Variants in KIAA1217 observed in about 807,000 individuals in gnomAD.
KIAA1217 encodes the protein sickle tail protein homolog.
Under a neutral mutation model 163.9 loss-of-function variants are expected in KIAA1217, and 88 were observed. The observed-to-expected ratio is 0.54, with a 90% CI of 0.45 to 0.64. The LOEUF is 0.64. Ranked by LOEUF, KIAA1217 falls within the 30% of genes least tolerant of loss-of-function variation. The pLI, the probability that KIAA1217 is intolerant of heterozygous loss-of-function variation, is 0.00. For synonymous variants in KIAA1217, 903 were observed against 923.1 expected, an observed-to-expected ratio of 0.98 and a Z score of 0.39; for missense variants, 2,372 against 2,475.0, an observed-to-expected ratio of 0.96 and a Z score of 0.88.
chr10:23,748,991 T>A (rs1172415642), intron 1 of KIAA1217, among the ~76,000 whole-genome samples: 1 of 152,174 alleles, frequency 6.6e-6, no homozygotes, highest in Non-Finnish European at 1.5e-5. Flanking sequence ...CATCCACCCC[T>A]GGCTTCGTCC....
chr10:24,198,211 C>A (rs1044068136), intron 2 of KIAA1217, among the ~76,000 whole-genome samples: 2 of 152,226 alleles, frequency 1.3e-5, no homozygotes, highest in Admixed American at 1.3e-4. Context: ...AAGCTTACTG[C>A]CCTTCTCTTC....
chr10:24,392,425 A>C (rs1411490914), intron 3 of KIAA1217, among the ~76,000 whole-genome samples: 3 of 152,244 alleles, frequency 2.0e-5, no homozygotes, highest in Non-Finnish European at 4.4e-5. Flanking sequence ...TGCAGTGAGA[A>C]GGCCATAACT....
chr10:24,443,576 G>T (rs2060675401), intron 5 of KIAA1217, among the ~76,000 whole-genome samples: 1 of 151,878 alleles, frequency 6.6e-6, no homozygotes, highest in South Asian at 2.1e-4. Flanking sequence ...AAGTGGGGGA[G>T]GGAGCACAGT....
At chr10:24,263,209 G>A (rs895444911) in intron 2 of KIAA1217, among the ~76,000 whole-genome samples, 4 of 152,202 alleles carry the variant, frequency 2.6e-5, no homozygotes, top group African/African-American at 9.7e-5. Flanking sequence ...CGGAAGATTA[G>A]CAACTATGCA....
Position 24,070,680 on chromosome 10 carries a change from CT to C in KIAA1217, c.-171+63307del, listed in dbSNP as rs2061153540. On this transcript the variant is annotated intron_variant, in intron 2 of 18. Coordinates refer to the KIAA1217 transcript ENST00000376462. ...CTGATAGTTGTAACCTATTTTCCCA[CT>C]GTGAGGGGGAGAAGGAAGAAATATT... is the stretch of plus-strand genomic sequence containing the variant. Among the ~76,000 whole-genome samples, 3 of 152,168 alleles carry C rather than the reference CT, an allele frequency of 2.0e-5. No homozygotes were observed. In the South Asian group the frequency reaches 6.2e-4, roughly 31 times the overall value.
Position 23,959,911 on chromosome 10 carries a change from CTT to C in KIAA1217, c.-320-47293_-320-47292del, listed in dbSNP as rs1326171008. 5.2e-3 allele frequency among the ~76,000 whole-genome samples: 551 copies of C among 106,240 alleles called. 3 individuals carry two copies. Among genetic ancestry groups the C allele is most frequent in the African/African-American group, 0.019 (527 of 27,184 alleles). The allele number at this position is 106,240 out of a possible 152,430, so 69.7% of individuals were successfully genotyped here. ...CTTCAGAGAGGAAGGTCATAGACTT[CTT>C]TTTTTTTTTTTTTTTTTTTTGAGAC... On this transcript the variant is annotated intron_variant, in intron 1 of 18. Transcript: ENST00000376462.
intron 2 of KIAA1217, among the ~76,000 whole-genome samples, chr10:24,015,244 AT>A (rs762032629): frequency 6.6e-6 from 1 of 152,100 alleles, no homozygotes; most frequent in Non-Finnish European, 1.5e-5. Flanking sequence ...TGTTCCACTC[AT>A]TGGTAATTAA....
chr10:23,861,537 G>A (rs1425853280), intron 1 of KIAA1217, among the ~76,000 whole-genome samples: 2 of 152,178 alleles, frequency 1.3e-5, no homozygotes, highest in Non-Finnish European at 2.9e-5. Flanking sequence ...TGTGGGCCCA[G>A]TCTAATCCTA....
At chr10:24,338,535 T>C (rs767319660) in intron 2 of KIAA1217, among the ~76,000 whole-genome samples, 6 of 152,228 alleles carry the variant, frequency 3.9e-5, no homozygotes, top group Non-Finnish European at 7.3e-5. Flanking sequence ...CAAGCTGGAC[T>C]GAATTTAATC....
In KIAA1217 at chr10:24,473,837, A is replaced by T; in HGVS notation, c.1456A>T (p.Met486Leu). The T allele has an allele frequency of 6.2e-7, 1 of 1,614,078 alleles. No individual in the cohort carries two copies. Among genetic ancestry groups the T allele is most frequent in the Non-Finnish European group, 8.5e-7 (1 of 1,179,998 alleles). ...AGTCAGTGACCTGAGGATGATAGAC[A>T]TGCACGCTCACTATAATGCCCACGG... ...HRVSDLRMID[M>L]HAHYNAHGPP... The change falls in exon 6 of 21, where the codon ATG (methionine) becomes TTG (leucine). Residue 486 changes from methionine to leucine, a missense_variant. Physicochemically the swap from Met to Leu is conservative, Grantham distance 15. Coordinates refer to ENST00000376454, the MANE Select transcript of KIAA1217 (RefSeq NM_019590.5).
At chr10:23,721,978 A>T (rs1411227413) in intron 1 of KIAA1217, among the ~76,000 whole-genome samples, 1 of 152,166 alleles carries the variant, frequency 6.6e-6, no homozygotes, top group Non-Finnish European at 1.5e-5. Flanking sequence ...ACGAAATGTG[A>T]TGTAGTCATA....
intron 2 of KIAA1217, among the ~76,000 whole-genome samples, chr10:24,090,164 C>CTTTTT (rs1162687231): frequency 5.5e-4 from 60 of 109,182 alleles, no homozygotes; most frequent in Non-Finnish European, 7.3e-4. Flanking sequence ...TTTTCTTTTT[C>CTTTTT]TTTTTTTTTT....
At chr10:23,947,895 G>A (rs1417488053) in intron 1 of KIAA1217, among the ~76,000 whole-genome samples, 2 of 152,128 alleles carry the variant, frequency 1.3e-5, no homozygotes, top group African/African-American at 2.4e-5. Flanking sequence ...CATCATCTGC[G>A]AGCCCTGACT....
intron 2 of KIAA1217, among the ~76,000 whole-genome samples, chr10:24,302,022 G>A (rs2041415654): frequency 6.6e-6 from 1 of 152,198 alleles, no homozygotes; most frequent in Admixed American, 6.5e-5. Context: ...TTCAGCCTGG[G>A]CGACAGATTA....
chr10:24,490,538 A>G (rs1234957630), intron 6 of KIAA1217, among the ~76,000 whole-genome samples: 1 of 152,280 alleles, frequency 6.6e-6, no homozygotes, highest in South Asian at 2.1e-4. Context: ...AAATGGAAAG[A>G]CAATCTTATT....
intron 1 of KIAA1217, among the ~76,000 whole-genome samples, chr10:23,982,529 T>TTTTCTCTC (rs1365479677): frequency 2.4e-4 from 18 of 73,568 alleles, no homozygotes; most frequent in African/African-American, 8.6e-4. Flanking sequence ...TGTTTTTTGT[T>TTTTCTCTC]TCTCTCTCTC....
At chr10:24,291,459 G>A (rs2079083602) in intron 2 of KIAA1217, among the ~76,000 whole-genome samples, 1 of 152,180 alleles carries the variant, frequency 6.6e-6, no homozygotes, top group South Asian at 2.1e-4. Context: ...GAACCTGGGA[G>A]GCGGAGGTTC....
intron 1 of KIAA1217, among the ~76,000 whole-genome samples, chr10:23,768,541 A>G (rs1375695158): frequency 6.6e-6 from 1 of 152,232 alleles, no homozygotes; most frequent in African/African-American, 2.4e-5. Context: ...CTACTAAAAG[A>G]TACCTAACTC....
Position 24,521,877 on chromosome 10 carries a change from A to G in KIAA1217, c.2404A>G (p.Ser802Gly), listed in dbSNP as rs147915268. ...FLKEEPHKLDSLLKRVRSMTD... is the reference protein window; with the variant it reads ...FLKEEPHKLDGLLKRVRSMTD... Reference sequence around the variant, plus strand: ...GAAGGAGGAGCCACACAAGCTGGACAGTCTCCTGAAGCGTGTGCGCAGCAT... The same window carrying G: ...GAAGGAGGAGCCACACAAGCTGGACGGTCTCCTGAAGCGTGTGCGCAGCAT... Residue 802 changes from serine to glycine, a missense_variant, in exon 12 of 21, where the codon AGT becomes GGT. Around this residue, in one of 3 missense-constraint regions of KIAA1217, gnomAD observed 1,431 missense variants for 1,470.3 expected, o/e 0.97. Coordinates refer to ENST00000376454, the MANE Select transcript of KIAA1217 (RefSeq NM_019590.5). 1.0e-4 allele frequency: 169 copies of G among 1,613,644 alleles called. 1 individual carries two copies. Among genetic ancestry groups the G allele is most frequent in the African/African-American group, 1.9e-4 (14 of 74,942 alleles).
Sources: gnomAD v4.1 joint callset for allele counts (sites outside exome capture counted in the v4.1 genomes callset) on GRCh38, gnomAD v4.1.1 for gene constraint, gnomAD v4.1.1 regional missense constraint, MANE v1.5 for transcripts, NCBI Gene and HGNC (gene_info 2026-07-23, HGNC 2026-07-21) for gene names.